PCDHA9: variants seen among roughly 807,000 people sequenced by gnomAD.
PCDHA9 encodes the protein protocadherin alpha 9.
In PCDHA9, 62 loss-of-function variants were observed where a neutral mutation model predicts 62.0. The ratio of observed to expected loss-of-function variants is 1.00; its 90% CI spans 0.81 to 1.23. PCDHA9 has a LOEUF of 1.23. Among genes scored for constraint, PCDHA9 ranks in the 50% most tolerant of loss-of-function variants. The probability of loss-of-function intolerance (pLI) is 0.00; values close to 1 mark genes in which losing one functional copy is unlikely to be tolerated. For missense variants in PCDHA9, 1,205 were observed against 1,249.8 expected (o/e 0.96, Z 0.54); for synonymous variants, 557 against 567.6 (o/e 0.98, Z 0.27).
intron 1 of PCDHA9, chr5:140,857,205 G>A: frequency 6.3e-7 from 1 of 1,598,596 alleles, no homozygotes; most frequent in African/African-American, 1.3e-5. Flanking sequence ...CAGGTCACCT[G>A]CTCTCTGACG....
chr5:140,869,476 G>C (rs530490517), intron 1 of PCDHA9: 71 of 1,614,076 alleles, frequency 4.4e-5, no homozygotes, highest in Non-Finnish European at 5.9e-5. Context: ...GGAGGTGAAG[G>C]ACATTAACGA....
intron 1 of PCDHA9, chr5:140,883,520 G>T (rs1554178526): frequency 6.2e-7 from 1 of 1,614,104 alleles, no homozygotes; most frequent in African/African-American, 1.3e-5. Context: ...CCGCGAGAGC[G>T]TATCAGCCTA....
chr5:140,869,175 G>A, intron 1 of PCDHA9: 1 of 1,613,976 alleles, frequency 6.2e-7, no homozygotes, highest in East Asian at 2.2e-5. Context: ...TCGAATTCTG[G>A]GAGGTGGGGA....
At chr5:140,928,178 G>C (rs2085023372) in intron 1 of PCDHA9, 1 of 1,614,074 alleles carries the variant, frequency 6.2e-7, no homozygotes, top group African/African-American at 1.3e-5. Flanking sequence ...AGCACCCGAA[G>C]GACAATCACT....
intron 1 of PCDHA9, among the ~76,000 whole-genome samples, chr5:140,889,584 CT>C (rs1192659128): frequency 1.3e-5 from 2 of 151,792 alleles, no homozygotes; most frequent in Non-Finnish European, 2.9e-5. Context: ...TTTGTTTTTG[CT>C]TTGAAATATT....
chr5:140,905,632 G>A lies in PCDHA9; in HGVS notation c.2394+54743G>A, dbSNP rs146826869. 9.9e-4 allele frequency among the ~76,000 whole-genome samples: 150 copies of A among 152,224 alleles called. 1 individual carries two copies. Among genetic ancestry groups the A allele is most frequent in the African/African-American group, 3.4e-3 (141 of 41,546 alleles). ...TCTATAGATTGCTTTTGACAGTATG[G>A]TCAGTTTCACAGTATTGATTCCTGT... On this transcript the variant is annotated intron_variant, in intron 1 of 3. Transcript: ENST00000532602.
intron 3 of PCDHA9, among the ~76,000 whole-genome samples, chr5:141,007,300 T>C (rs185284872): frequency 6.6e-6 from 1 of 151,058 alleles, no homozygotes; most frequent in Admixed American, 6.6e-5. Context: ...CCTGTAATCT[T>C]AGCATTTTGG....
chr5:140,908,998 C>G (rs2074255436), intron 1 of PCDHA9, among the ~76,000 whole-genome samples: 1 of 152,156 alleles, frequency 6.6e-6, no homozygotes, highest in South Asian at 2.1e-4. Flanking sequence ...AGAAATTTTA[C>G]TGAGGTAGAA....
At chr5:140,914,095 C>G (rs1368870998) in intron 1 of PCDHA9, among the ~76,000 whole-genome samples, 1 of 152,082 alleles carries the variant, frequency 6.6e-6, no homozygotes, top group Non-Finnish European at 1.5e-5. Context: ...TCAATTTGTT[C>G]TATAGTGCAG....
In PCDHA9 at chr5:140,868,769, A is replaced by G. The variant is rs144958028; in HGVS notation, c.2394+17880A>G. 95 of 255,700 alleles carry G rather than the reference A, an allele frequency of 3.7e-4. No individual in the cohort carries two copies. In the Middle Eastern group the frequency reaches 9.0e-3, roughly 24 times the overall value. 15.8% of individuals were successfully genotyped at this position (255,700 alleles called of 1,614,324 possible). On this transcript the variant is annotated intron_variant, in intron 1 of 3. Coordinates refer to ENST00000532602, the MANE Select transcript of PCDHA9 (RefSeq NM_031857.2). ...CCATTTCCATATATATTTAGTTTCA[A>G]TATGACTTATAATCTGAATATTCCA... is the stretch of plus-strand genomic sequence containing the variant.
At chr5:140,991,205 A>C (rs1403144779) in intron 3 of PCDHA9, among the ~76,000 whole-genome samples, 3 of 152,226 alleles carry the variant, frequency 2.0e-5, no homozygotes, top group Admixed American at 2.0e-4. Context: ...TGCTCAATAA[A>C]TTTTGTTAAA....
chr5:140,985,465 A>T (rs1195143465), intron 3 of PCDHA9, among the ~76,000 whole-genome samples: 1 of 152,126 alleles, frequency 6.6e-6, no homozygotes, highest in Non-Finnish European at 1.5e-5. Flanking sequence ...TGCTCCAAAA[A>T]ATTTGGTTGT....
intron 1 of PCDHA9, among the ~76,000 whole-genome samples, chr5:140,935,284 A>G (rs576807866): frequency 6.6e-6 from 1 of 152,340 alleles, no homozygotes; most frequent in South Asian, 2.1e-4. Context: ...AATAAAGTTC[A>G]GCACTCCGAG....
intron 1 of PCDHA9, among the ~76,000 whole-genome samples, chr5:140,951,377 G>T (rs2094577141): frequency 6.6e-6 from 1 of 152,070 alleles, no homozygotes; most frequent in Non-Finnish European, 1.5e-5. Context: ...AAACACCCAA[G>T]ACTCGGTAAT....
chr5:140,848,577 A>G lies in PCDHA9; in HGVS notation c.82A>G (p.Ser28Gly), dbSNP rs1178094933. ...GATCCTCGCAATGTGGGTGGTGGGG[A>G]GCGGCCAGCTCCACTACTCCGTCCC... is the stretch of plus-strand genomic sequence containing the variant. The part of the protein sequence containing the change: ...LLILAMWVVG[S>G]GQLHYSVPEE... The change falls in exon 1 of 4, where the codon AGC becomes GGC. Residue 28 changes from serine (S) to glycine (G), a missense_variant. Physicochemically the swap from Ser to Gly is moderately conservative, Grantham distance 56. Transcript: ENST00000532602. 1 of 1,595,244 alleles carries G rather than the reference A, an allele frequency of 6.3e-7. No individual in the cohort carries two copies. The highest frequency in any genetic ancestry group is 8.6e-7 in the Non-Finnish European group (1 of 1,165,438).
chr5:140,900,799 G>T (rs797036955), intron 1 of PCDHA9, among the ~76,000 whole-genome samples: 1 of 152,138 alleles, frequency 6.6e-6, no homozygotes, highest in East Asian at 1.9e-4. Context: ...GTTCTCCATA[G>T]TGCTTGTACT....
chr5:141,001,999 A>G (rs1554258445), intron 3 of PCDHA9, among the ~76,000 whole-genome samples: 1 of 152,198 alleles, frequency 6.6e-6, no homozygotes, highest in African/African-American at 2.4e-5. Flanking sequence ...TTCACTTGCA[A>G]ACACAGAATC....
intron 1 of PCDHA9, among the ~76,000 whole-genome samples, chr5:140,911,819 A>C (rs2075652599): frequency 6.6e-6 from 1 of 152,164 alleles, no homozygotes; most frequent in Admixed American, 6.6e-5. Context: ...CTTCTCCAGA[A>C]ACCCCAAAAC....
rs782362312 is a variant in PCDHA9 at position 140,884,131 on chromosome 5, G to T, written c.2394+33242G>T. 4 of 1,613,396 alleles carry T rather than the reference G, an allele frequency of 2.5e-6. No individual in the cohort carries two copies. In the South Asian group the frequency reaches 3.3e-5, roughly 13 times the overall value. On this transcript the variant is annotated intron_variant, in intron 1 of 3. Coordinates refer to ENST00000532602, the MANE Select transcript of PCDHA9 (RefSeq NM_031857.2). ...TGGCGGCGGTCGGCGCGCGCATCCCGTTCCGCGTGGGGCTGTACACTGGCG... is the reference window on the plus strand; with the variant it reads ...TGGCGGCGGTCGGCGCGCGCATCCCTTTCCGCGTGGGGCTGTACACTGGCG...
Sources: allele counts gnomAD v4.1 joint callset (sites outside exome capture counted in the v4.1 genomes callset), GRCh38; gene constraint gnomAD v4.1.1; transcripts MANE v1.5; gene names NCBI Gene and HGNC (gene_info 2026-07-23, HGNC 2026-07-21).